The following ITSN1 variants were observed in gnomAD, a reference collection of about 807,000 sequenced individuals.
ITSN1 encodes intersectin 1, also known as intersectin-1.
In ITSN1, 58 loss-of-function variants were observed where a neutral mutation model predicts 239.8. The ratio of observed to expected loss-of-function variants is 0.24; its 90% CI spans 0.20 to 0.30. The LOEUF is 0.30. Among genes scored for constraint, ITSN1 ranks in the 10% least tolerant of loss-of-function variants. The probability of loss-of-function intolerance (pLI) is 1.00; values close to 1 mark genes in which losing one functional copy is unlikely to be tolerated. For missense variants in ITSN1, 1,558 were observed against 2,103.3 expected, an observed-to-expected ratio of 0.74 and a Z score of 5.07; for synonymous variants, 780 against 770.8, an observed-to-expected ratio of 1.01 and a Z score of -0.20.
At chr21:33,658,499 A>G (rs1334948778) in intron 1 of ITSN1, among the ~76,000 whole-genome samples, 1 of 152,212 alleles carries the variant, frequency 6.6e-6, no homozygotes, top group East Asian at 1.9e-4. Flanking sequence ...AAGTATTTAC[A>G]GTGGTATTTG....
At chr21:33,698,470 A>G (rs1044316877) in intron 1 of ITSN1, among the ~76,000 whole-genome samples, 1 of 152,230 alleles carries the variant, frequency 6.6e-6, no homozygotes, top group Non-Finnish European at 1.5e-5. Flanking sequence ...AGTTTTAGTA[A>G]TAAGATTCTT....
chr21:33,742,576 C>T (rs1376657949), intron 5 of ITSN1, among the ~76,000 whole-genome samples: 2 of 152,168 alleles, frequency 1.3e-5, no homozygotes, highest in Non-Finnish European at 2.9e-5. Context: ...ATGCTCTCTG[C>T]AGTACTGAGT....
chr21:33,877,339 T>C (rs1984109022), intron 34 of ITSN1, among the ~76,000 whole-genome samples: 1 of 152,010 alleles, frequency 6.6e-6, no homozygotes, highest in Non-Finnish European at 1.5e-5. Flanking sequence ...CAGGCGTGAT[T>C]ACCGCACCTG....
intron 1 of ITSN1, among the ~76,000 whole-genome samples, chr21:33,711,845 ATG>A (rs1174964554): frequency 6.6e-6 from 1 of 152,128 alleles, no homozygotes; most frequent in African/African-American, 2.4e-5. Context: ...CAGTTGTCAT[ATG>A]TGTTATATTT....
intron 29 of ITSN1, among the ~76,000 whole-genome samples, chr21:33,847,456 C>G (rs560937593): frequency 9.8e-4 from 149 of 152,346 alleles, no homozygotes; most frequent in Non-Finnish European, 1.6e-3. Flanking sequence ...CCTCCTGATT[C>G]CATTTCCTGA....
intron 33 of ITSN1, among the ~76,000 whole-genome samples, chr21:33,872,355 T>A (rs1982891340): frequency 6.6e-6 from 1 of 152,224 alleles, no homozygotes; most frequent in Non-Finnish European, 1.5e-5. Context: ...TTGTGCTCAA[T>A]AACGTGCTCA....
At chr21:33,767,887 T>TAGGAA in intron 11 of ITSN1, 59 bp downstream of exon 11, 3 of 950,712 alleles carry the variant, frequency 3.2e-6, no homozygotes, top group Non-Finnish European at 5.0e-6. Flanking sequence ...AGAGATTTCC[T>TAGGAA]ATCTCTAAGA....
intron 14 of ITSN1, among the ~76,000 whole-genome samples, chr21:33,775,361 T>A (rs1315375724): frequency 6.6e-6 from 1 of 152,164 alleles, no homozygotes; most frequent in Non-Finnish European, 1.5e-5. Flanking sequence ...GGACAGACAC[T>A]CTGTCTTCTG....
intron 1 of ITSN1, among the ~76,000 whole-genome samples, chr21:33,666,708 G>A (rs1253055716): frequency 1.3e-5 from 2 of 152,204 alleles, no homozygotes; most frequent in African/African-American, 2.4e-5. Context: ...AGGGTATTGT[G>A]GAGCCCTTGG....
rs778135264 is a variant in ITSN1, at chr21:33,725,104, T to TA, written c.185+2469dup. On this transcript the variant is annotated intron_variant, in intron 4 of 39. Coordinates refer to ENST00000381318, the MANE Select transcript of ITSN1 (RefSeq NM_003024.3). ...GGGCAATATAATGAGCCCTCATCTT[T>TA]AAAAAAAAAAAAAAAATTTTTTTTT... is the stretch of plus-strand genomic sequence containing the variant. Among the ~76,000 whole-genome samples the TA allele has an allele frequency of 5.9e-3, 783 of 133,324 alleles. 6 individuals are homozygous for TA. Among genetic ancestry groups the TA allele is most frequent in the African/African-American group, 0.017 (599 of 35,564 alleles). 87.5% of individuals were successfully genotyped at this position (133,324 alleles called of 152,430 possible). A position where few individuals can be genotyped will look rare whatever the true frequency, so the allele number is the denominator to read the frequency against.
At chr21:33,760,146 A>G (rs1196827590) in intron 8 of ITSN1, among the ~76,000 whole-genome samples, 1 of 152,038 alleles carries the variant, frequency 6.6e-6, no homozygotes, top group Non-Finnish European at 1.5e-5. Flanking sequence ...AGTAGAATGG[A>G]CAATGAATTA....
At chr21:33,771,040 A>C (rs1182292547) in intron 11 of ITSN1, among the ~76,000 whole-genome samples, 1 of 152,150 alleles carries the variant, frequency 6.6e-6, no homozygotes, top group South Asian at 2.1e-4. Context: ...TGCTGGGATT[A>C]CAGGTGTGAG....
intron 9 of ITSN1, 114 bp downstream of exon 9, chr21:33,762,100 T>C: frequency 1.3e-6 from 1 of 777,592 alleles, no homozygotes. Flanking sequence ...TAGAATTTGC[T>C]TAATTTCAGT....
chr21:33,833,005 C>CGTCT (rs2074384117), intron 27 of ITSN1, among the ~76,000 whole-genome samples: 1 of 151,380 alleles, frequency 6.6e-6, no homozygotes, highest in Admixed American at 6.6e-5. Context: ...TGTTTCTAGA[C>CGTCT]GTGTGTGTGT....
intron 1 of ITSN1, among the ~76,000 whole-genome samples, chr21:33,662,909 C>T (rs150665926): frequency 2.6e-4 from 39 of 152,220 alleles, no homozygotes; most frequent in South Asian, 8.3e-4. Flanking sequence ...CAGATGAGGA[C>T]CTCGAATTTG....
At chr21:33,739,074 A>G (rs930847692) in intron 5 of ITSN1, among the ~76,000 whole-genome samples, 2 of 152,232 alleles carry the variant, frequency 1.3e-5, no homozygotes, top group African/African-American at 4.8e-5. Flanking sequence ...AGATTACAGC[A>G]TAAGCCATGG....
At chr21:33,821,108 TG>T (rs1363540973) in intron 24 of ITSN1, among the ~76,000 whole-genome samples, 3 of 152,222 alleles carry the variant, frequency 2.0e-5, no homozygotes, top group Non-Finnish European at 4.4e-5. Flanking sequence ...CTTCATTCCC[TG>T]GATTAGTGAT....
At chr21:33,813,379 G>A (rs2073045890) in intron 21 of ITSN1, among the ~76,000 whole-genome samples, 1 of 149,134 alleles carries the variant, frequency 6.7e-6, no homozygotes, top group Admixed American at 6.7e-5. Context: ...TTGAGACAGA[G>A]TCTCACTCTG....
At chr21:33,828,576 A>G (rs1001742817) in intron 26 of ITSN1, among the ~76,000 whole-genome samples, 1 of 152,236 alleles carries the variant, frequency 6.6e-6, no homozygotes. Flanking sequence ...TCGTCAGAAC[A>G]TGAGACCTTT....
Sources: allele counts gnomAD v4.1 joint callset (sites outside exome capture counted in the v4.1 genomes callset), GRCh38; gene constraint gnomAD v4.1.1; transcripts MANE v1.5; gene names NCBI Gene and HGNC (gene_info 2026-07-23, HGNC 2026-07-21).